DENND1A: variants seen among roughly 807,000 people sequenced by gnomAD.
The protein encoded by DENND1A is DENN domain-containing protein 1A.
DENND1A carries 51 observed loss-of-function variants against 113.7 expected under a neutral mutation model. That is an observed-to-expected ratio of 0.45 (90% CI 0.36 to 0.57). The LOEUF (loss-of-function observed/expected upper bound fraction) is 0.57. DENND1A is among the 20% of genes least tolerant of loss of function. The pLI is 0.00. For missense variants in DENND1A, 1,258 were observed against 1,395.9 expected (o/e 0.90, Z 1.57); for synonymous variants, 565 against 570.8 (o/e 0.99, Z 0.14).
chr9:123,577,690 A>T (rs1269546769), intron 12 of DENND1A, among the ~76,000 whole-genome samples: 1 of 150,558 alleles, frequency 6.6e-6, no homozygotes, highest in Non-Finnish European at 1.5e-5. Flanking sequence ...AGGTTTGTTT[A>T]AAACTTTTCA....
At position 123,792,633 on chromosome 9, in the gene DENND1A, G is replaced by GT. The variant is rs1384631633; in HGVS notation, c.89-4dup. On this transcript the variant is annotated splice_region_variant and splice_polypyrimidine_tract_variant and intron_variant, in intron 2 of 23. Transcript: ENST00000394215. ...GAATTGCCTCTGCACCTCAGGATCT[G>GT]TAAATAATTGACAGATAATATTAAT... 1 of 1,612,946 alleles carries GT rather than the reference G, an allele frequency of 6.2e-7. No individual in the cohort carries two copies. Among genetic ancestry groups the GT allele is most frequent in the Non-Finnish European group, 8.5e-7 (1 of 1,179,470 alleles).
At chr9:123,454,851 T>TTC in intron 15 of DENND1A, 72 bp from the exon 16 acceptor site, 1 of 791,006 alleles carries the variant, frequency 1.3e-6, no homozygotes, top group Non-Finnish European at 1.7e-6. Flanking sequence ...TAAAATTGCT[T>TTC]TTTTTTTTTT....
rs957363658 is a variant in DENND1A at position 123,381,158 on chromosome 9, T to C, written c.*274A>G. 48 of 499,708 alleles carry C rather than the reference T, an allele frequency of 9.6e-5. No individual in the cohort carries two copies. Among genetic ancestry groups the C allele is most frequent in the African/African-American group, 8.8e-4 (45 of 51,242 alleles). 31.0% of individuals were successfully genotyped at this position (499,708 alleles called of 1,614,324 possible). The stretch of plus-strand genomic sequence containing the variant: ...TCATTGGCCCAGCTGACCTCTTTAG[T>C]GCAAAACCCAATCAAGGGTGCCGAG... On this transcript the variant is annotated 3_prime_UTR_variant, in exon 24 of 24. Transcript: ENST00000394215. The surrounding 1 kb of genome is among the most constrained non-coding windows in gnomAD (Gnocchi z 4.7).
intron 2 of DENND1A, among the ~76,000 whole-genome samples, chr9:123,807,358 C>A (rs1047669932): frequency 6.6e-6 from 1 of 152,228 alleles, no homozygotes; most frequent in East Asian, 1.9e-4. Context: ...GAATCCATCC[C>A]TGACTACGTC....
intron 12 of DENND1A, among the ~76,000 whole-genome samples, chr9:123,562,848 G>C (rs2057836684): frequency 6.6e-6 from 1 of 152,186 alleles, no homozygotes; most frequent in South Asian, 2.1e-4. Context: ...TCCATGGTGA[G>C]CTGCAGTTTC....
At chr9:123,649,920 G>A (rs563318967) in intron 9 of DENND1A, among the ~76,000 whole-genome samples, 8 of 152,268 alleles carry the variant, frequency 5.3e-5, no homozygotes, top group African/African-American at 1.7e-4. Flanking sequence ...TAAGGCTGTC[G>A]TAGTAAGGAT....
At chr9:123,479,568 G>A (rs1292525309) in intron 13 of DENND1A, among the ~76,000 whole-genome samples, 2 of 152,232 alleles carry the variant, frequency 1.3e-5, no homozygotes, top group African/African-American at 2.4e-5. Flanking sequence ...GTGACAGGTT[G>A]TTTGCCCAGC....
chr9:123,657,401 C>G (rs1233982670), intron 8 of DENND1A, among the ~76,000 whole-genome samples: 14 of 46,032 alleles, frequency 3.0e-4, no homozygotes, highest in African/African-American at 1.1e-3. Context: ...GGGGTGGTGG[C>G]GATGGGGGGA....
intron 9 of DENND1A, among the ~76,000 whole-genome samples, chr9:123,651,339 C>A (rs1032348714): frequency 6.6e-6 from 1 of 152,232 alleles, no homozygotes; most frequent in Non-Finnish European, 1.5e-5. Flanking sequence ...GCCTGAAATA[C>A]CATAGCACAT....
chr9:123,808,564 T>A (rs754815944), intron 2 of DENND1A, among the ~76,000 whole-genome samples: 1 of 152,036 alleles, frequency 6.6e-6, no homozygotes, highest in Admixed American at 6.5e-5. Flanking sequence ...TATTTTTTTG[T>A]AGAGGCAGGG....
chr9:123,884,997 G>GCACACACA (rs57555620), intron 1 of DENND1A, among the ~76,000 whole-genome samples: 5 of 145,836 alleles, frequency 3.4e-5, no homozygotes, highest in Non-Finnish European at 6.0e-5. Context: ...GAGCGCGCGC[G>GCACACACA]CACACACACA....
chr9:123,524,427 C>T (rs1281842208), intron 13 of DENND1A, among the ~76,000 whole-genome samples: 1 of 152,224 alleles, frequency 6.6e-6, no homozygotes, highest in East Asian at 1.9e-4. Context: ...CAAAAGCCTT[C>T]ATGGGTCCAC....
intron 19 of DENND1A, among the ~76,000 whole-genome samples, chr9:123,429,758 G>A (rs538242395): frequency 6.6e-6 from 1 of 152,162 alleles, no homozygotes; most frequent in Admixed American, 6.5e-5. Context: ...AGAAAATCTG[G>A]GCAATACCAT....
At chr9:123,688,299 A>G (rs77540068) in intron 5 of DENND1A, among the ~76,000 whole-genome samples, 4,310 of 152,298 alleles carry the variant, frequency 0.028, 214 homozygotes, top group African/African-American at 0.097. Flanking sequence ...TGGTTTCAGT[A>G]AAGTGTATGT....
At chr9:123,867,327 C>T (rs938383321) in intron 2 of DENND1A, among the ~76,000 whole-genome samples, 2 of 152,074 alleles carry the variant, frequency 1.3e-5, no homozygotes, top group African/African-American at 4.8e-5. Flanking sequence ...CCACTCTCTA[C>T]AGAGTCTAGC....
chr9:123,611,576 C>T (rs1365339192), intron 10 of DENND1A, among the ~76,000 whole-genome samples: 1 of 152,160 alleles, frequency 6.6e-6, no homozygotes, highest in African/African-American at 2.4e-5. Flanking sequence ...CAGCCTAACA[C>T]ATAGAAGGGA....
At chr9:123,548,662 C>G (rs1414496826) in intron 13 of DENND1A, among the ~76,000 whole-genome samples, 3 of 152,176 alleles carry the variant, frequency 2.0e-5, no homozygotes, top group African/African-American at 7.2e-5. Context: ...AGAAACAACC[C>G]AGGTGTCCAT....
At chr9:123,426,396 T>G (rs2045735863) in intron 19 of DENND1A, among the ~76,000 whole-genome samples, 2 of 152,170 alleles carry the variant, frequency 1.3e-5, no homozygotes, top group African/African-American at 2.4e-5. Flanking sequence ...ACAGCTGGTT[T>G]GGGAAGTCTG....
intron 12 of DENND1A, among the ~76,000 whole-genome samples, chr9:123,566,913 CCA>C (rs59984497): frequency 0.025 from 3,715 of 147,148 alleles, 76 homozygotes; most frequent in Non-Finnish European, 0.038. Context: ...CTTTAACACA[CCA>C]CACACACACA....
Sources: allele counts gnomAD v4.1 joint callset (sites outside exome capture counted in the v4.1 genomes callset), GRCh38; gene constraint gnomAD v4.1.1; non-coding constraint Gnocchi (gnomAD v3.1); transcripts MANE v1.5; gene names NCBI Gene and HGNC (gene_info 2026-07-23, HGNC 2026-07-21).